CACNA2D3: variants seen among roughly 807,000 people sequenced by gnomAD.
CACNA2D3 encodes voltage-dependent calcium channel subunit alpha-2/delta-3.
A neutral mutation model predicts 160.6 loss-of-function variants in CACNA2D3; 60 were observed. That is an observed-to-expected ratio of 0.37 (90% CI 0.30 to 0.46). The LOEUF (loss-of-function observed/expected upper bound fraction) is 0.46, where lower values mean the gene tolerates loss of function less well. Ranked by LOEUF, CACNA2D3 falls within the 20% of genes least tolerant of loss-of-function variation. The pLI is 1.00. For missense variants in CACNA2D3, 1,205 were observed against 1,365.0 expected, an observed-to-expected ratio of 0.88 and a Z score of 1.85; for synonymous variants, 558 against 492.9, an observed-to-expected ratio of 1.13 and a Z score of -1.75.
intron 11 of CACNA2D3, among the ~76,000 whole-genome samples, chr3:54,702,266 A>C (rs1485224388): frequency 2.0e-5 from 3 of 152,204 alleles, no homozygotes; most frequent in African/African-American, 7.2e-5. Context: ...AGTGGGACCT[A>C]ACTAAACTGA....
At chr3:55,059,756 G>GTGAT (rs2107218880) in intron 35 of CACNA2D3, among the ~76,000 whole-genome samples, 1 of 152,228 alleles carries the variant, frequency 6.6e-6, no homozygotes, top group African/African-American at 2.4e-5. Flanking sequence ...ATTTTATTGG[G>GTGAT]TGATAGAGGT....
chr3:54,186,715 C>A (rs1700884614), intron 2 of CACNA2D3, among the ~76,000 whole-genome samples: 1 of 151,428 alleles, frequency 6.6e-6, no homozygotes, highest in Non-Finnish European at 1.5e-5. Flanking sequence ...GATATCTCTC[C>A]TTCCTTATGT....
intron 27 of CACNA2D3, among the ~76,000 whole-genome samples, chr3:54,905,956 C>T (rs750302182): frequency 1.3e-5 from 2 of 152,144 alleles, no homozygotes; most frequent in Non-Finnish European, 2.9e-5. Context: ...GTTCCTAGCG[C>T]TGGGGATACA....
intron 14 of CACNA2D3, among the ~76,000 whole-genome samples, chr3:54,833,084 T>C (rs1222296917): frequency 1.3e-5 from 2 of 152,212 alleles, no homozygotes; most frequent in African/African-American, 4.8e-5. Context: ...CATGATTAAC[T>C]TGGGAAGCTG....
intron 35 of CACNA2D3, among the ~76,000 whole-genome samples, chr3:55,019,728 T>C (rs1465130367): frequency 6.6e-6 from 1 of 152,164 alleles, no homozygotes; most frequent in South Asian, 2.1e-4. Context: ...CTAGTCTCCG[T>C]ACTTAATTAT....
intron 3 of CACNA2D3, among the ~76,000 whole-genome samples, chr3:54,345,845 T>TTA (rs1553630983): frequency 3.8e-4 from 57 of 151,192 alleles, no homozygotes; most frequent in African/African-American, 1.2e-3. Context: ...TTTTTTTTTT[T>TTA]AAAAAAATTG....
chr3:54,507,873 T>C (rs2106954611), intron 5 of CACNA2D3, among the ~76,000 whole-genome samples: 1 of 152,350 alleles, frequency 6.6e-6, no homozygotes, highest in Non-Finnish European at 1.5e-5. Context: ...ACAATCATAG[T>C]GAGTTGCCTC....
intron 5 of CACNA2D3, among the ~76,000 whole-genome samples, chr3:54,553,896 A>C (rs1308229925): frequency 1.3e-5 from 2 of 152,210 alleles, no homozygotes; most frequent in African/African-American, 4.8e-5. Context: ...TTTTGGAGCC[A>C]TGCAGAAAGG....
At position 54,642,183 on chromosome 3, in the gene CACNA2D3, A is replaced by T; in HGVS notation, c.1109A>T (p.Asp370Val). Residue 370 changes from aspartate (D) to valine (V), a missense_variant, in exon 11 of 38, where the codon GAT (aspartate) becomes GTT (valine). Transcript: ENST00000474759. ...ICSQAIMLITDGAVDTYDTIF... is the reference protein window; with the variant it reads ...ICSQAIMLITVGAVDTYDTIF... ...AGTCAGGCCATCATGCTCATAACTG[A>T]TGGGGCGGTGGACACCTATGATACA... The T allele has an allele frequency of 1.9e-6, 3 of 1,613,428 alleles. No homozygotes were observed. The highest frequency in any genetic ancestry group is 2.5e-6 in the Non-Finnish European group (3 of 1,179,704).
chr3:54,631,810 G>C (rs1317829023), intron 10 of CACNA2D3, among the ~76,000 whole-genome samples: 5 of 152,228 alleles, frequency 3.3e-5, no homozygotes, highest in African/African-American at 7.2e-5. Context: ...TGCTACAGTA[G>C]TTAGCATCTA....
chr3:54,709,810 C>T (rs1031256550), intron 11 of CACNA2D3, among the ~76,000 whole-genome samples: 13 of 152,112 alleles, frequency 8.5e-5, no homozygotes, highest in Non-Finnish European at 2.9e-5. Context: ...CCTGTGGGTC[C>T]AGCTACTCAG....
chr3:54,392,027 G>A (rs1699291085), intron 4 of CACNA2D3, among the ~76,000 whole-genome samples: 1 of 152,136 alleles, frequency 6.6e-6, no homozygotes, highest in South Asian at 2.1e-4. Flanking sequence ...ATTAACATAG[G>A]CTTTTCTTAA....
chr3:54,927,511 A>G (rs572162247), intron 27 of CACNA2D3, among the ~76,000 whole-genome samples: 1 of 152,204 alleles, frequency 6.6e-6, no homozygotes, highest in Non-Finnish European at 1.5e-5. Flanking sequence ...TTCTTAAACC[A>G]GAGAACATGT....
At chr3:54,381,439 C>T (rs772634489) in intron 3 of CACNA2D3, among the ~76,000 whole-genome samples, 1 of 152,234 alleles carries the variant, frequency 6.6e-6, no homozygotes, top group Non-Finnish European at 1.5e-5. Context: ...ACAATTCTTT[C>T]TCTCTTTTCT....
intron 5 of CACNA2D3, among the ~76,000 whole-genome samples, chr3:54,540,831 A>G (rs1252798097): frequency 6.6e-6 from 1 of 152,170 alleles, no homozygotes; most frequent in Admixed American, 6.5e-5. Context: ...GTATCCCCAC[A>G]ATCTATGAAT....
intron 4 of CACNA2D3, among the ~76,000 whole-genome samples, chr3:54,492,793 A>C (rs1430093128): frequency 1.3e-5 from 2 of 152,186 alleles, no homozygotes; most frequent in East Asian, 3.9e-4. Context: ...TTGTTCATTG[A>C]AAAAGAAAAA....
At chr3:54,600,157 T>C (rs183861276) in intron 9 of CACNA2D3, among the ~76,000 whole-genome samples, 2 of 152,128 alleles carry the variant, frequency 1.3e-5, no homozygotes, top group African/African-American at 4.8e-5. Flanking sequence ...CTTCATGGGG[T>C]TGGGGGAGAT....
intron 35 of CACNA2D3, among the ~76,000 whole-genome samples, chr3:55,029,691 A>G (rs1241196729): frequency 4.6e-5 from 7 of 152,210 alleles, no homozygotes; most frequent in Non-Finnish European, 1.0e-4. Context: ...CTGGGAATAC[A>G]CATACTCAAC....
chr3:54,938,954 A>G (rs1255297252), intron 27 of CACNA2D3, among the ~76,000 whole-genome samples: 1 of 152,148 alleles, frequency 6.6e-6, no homozygotes, highest in Non-Finnish European at 1.5e-5. Context: ...GAAATGAAGT[A>G]CTTAGTCCAG....
Sources: gnomAD v4.1 joint callset for allele counts (sites outside exome capture counted in the v4.1 genomes callset) on GRCh38, gnomAD v4.1.1 for gene constraint, MANE v1.5 for transcripts, NCBI Gene and HGNC (gene_info 2026-07-23, HGNC 2026-07-21) for gene names.